The following ABCG5 variants were observed in gnomAD, a reference collection of about 807,000 sequenced individuals.
ABCG5 encodes the protein ATP-binding cassette sub-family G member 5.
A neutral mutation model predicts 64.5 loss-of-function variants in ABCG5; 64 were observed. The ratio of observed to expected loss-of-function variants is 0.99; its 90% CI spans 0.81 to 1.22. The LOEUF (loss-of-function observed/expected upper bound fraction) is 1.22, where lower values mean the gene tolerates loss of function less well. Among genes scored for constraint, ABCG5 ranks in the 50% most tolerant of loss-of-function variants. The pLI is 0.00. For synonymous variants in ABCG5, 385 were observed against 326.3 expected (o/e 1.18, Z -1.94); for missense variants, 908 against 829.5 (o/e 1.09, Z -1.16).
chr2:43,826,659 TG>T, intron 5 of ABCG5, 138 bp from the exon 6 acceptor site: 1 of 1,359,754 alleles, frequency 7.4e-7, no homozygotes, highest in Admixed American at 1.8e-5. Context: ...ACATGTAAAC[TG>T]GCTTTCAGCC....
In ABCG5 at chr2:43,823,998, C is replaced by T. The variant is rs773996683; in HGVS notation, c.1239G>A (p.Lys413=). The change falls in exon 9 of 13, where the codon AAG becomes AAA. Residue 413 remains lysine, a synonymous_variant. Coordinates refer to ENST00000405322, the MANE Select transcript of ABCG5 (RefSeq NM_022436.3). The stretch of plus-strand genomic sequence containing the variant: ...GACCTACGCGGTCCTGGATAGCACC[C>T]TTTAGCACATTGCTTCGGACCCGCA... ...FVLRVRSNVL[K]GAIQDRVGLL... 4 of 1,614,194 alleles carry T rather than the reference C, an allele frequency of 2.5e-6. No individual in the cohort carries two copies. The highest frequency in any genetic ancestry group is 3.4e-6 in the Non-Finnish European group (4 of 1,180,042).
At chr2:43,825,160 G>C (rs1220327913) in intron 6 of ABCG5, 142 bp from the exon 7 acceptor site, 2 of 1,008,192 alleles carry the variant, frequency 2.0e-6, no homozygotes, top group South Asian at 2.8e-5. Flanking sequence ...TTTCCCATAA[G>C]CAGTCAGTCC....
intron 2 of ABCG5, among the ~76,000 whole-genome samples, chr2:43,837,040 A>AAAAAG (rs770852906): frequency 6.6e-6 from 1 of 151,762 alleles, no homozygotes; most frequent in African/African-American, 2.4e-5. Context: ...AAAAAGAAAA[A>AAAAAG]AAAAGAAAAG....
chr2:43,837,034 A>C (rs34381269), intron 2 of ABCG5, among the ~76,000 whole-genome samples: 4,331 of 70,280 alleles, frequency 0.062, 231 homozygotes, highest in African/African-American at 0.18. Context: ...GTCTCAAAAA[A>C]GAAAAAAAAA....
At chr2:43,806,992 A>T in the ABCG5 span, among the ~76,000 whole-genome samples, 1 of 152,338 alleles carries the variant, frequency 6.6e-6, no homozygotes, top group South Asian at 2.1e-4. Context: ...TCCAGATTGC[A>T]CACACAGGAC....
Position 43,838,495 on chromosome 2 carries a change from C to T in ABCG5, c.143+42G>A, listed in dbSNP as rs889161728. ...CAGCAGAGGGGTGAGCGCCGGGCCCCGCACTCCTGGGGGAGCAGCAGCAGC... is the reference window on the plus strand; with the variant it reads ...CAGCAGAGGGGTGAGCGCCGGGCCCTGCACTCCTGGGGGAGCAGCAGCAGC... On this transcript the variant is annotated intron_variant, in intron 1 of 12. Coordinates refer to ENST00000405322, the MANE Select transcript of ABCG5 (RefSeq NM_022436.3). The surrounding 1 kb of genome is among the most constrained non-coding windows in gnomAD (Gnocchi z 4.2). 7 of 1,559,572 alleles carry T rather than the reference C, an allele frequency of 4.5e-6. No homozygotes were observed. The African/African-American group carries it at 5.4e-5, about 12-fold the overall frequency.
downstream of ABCG5, chr2:43,809,784 G>A (rs1028226581): frequency 1.9e-6 from 3 of 1,593,468 alleles, no homozygotes; most frequent in African/African-American, 1.4e-5. Context: ...TTCAATTATT[G>A]TATATTTATT....
intron 10 of ABCG5, among the ~76,000 whole-genome samples, chr2:43,820,846 G>T (rs1393228310): frequency 6.6e-6 from 1 of 152,078 alleles, no homozygotes; most frequent in Non-Finnish European, 1.5e-5. Flanking sequence ...TAGAGATGGG[G>T]TTTTGCCATA....
intron 2 of ABCG5, among the ~76,000 whole-genome samples, chr2:43,833,521 T>G (rs1251825592): frequency 2.0e-5 from 3 of 151,540 alleles, no homozygotes; most frequent in Non-Finnish European, 4.4e-5. Flanking sequence ...TAGCTGGGAC[T>G]GCAGGCGCCG....
intron 2 of ABCG5, among the ~76,000 whole-genome samples, chr2:43,832,981 C>T (rs953482446): frequency 1.6e-4 from 24 of 151,886 alleles, no homozygotes; most frequent in African/African-American, 4.6e-4. Context: ...GGCTAATTTT[C>T]GTATTTTTAG....
At chr2:43,826,270 A>T in intron 6 of ABCG5, 112 bp downstream of exon 6, 1 of 1,524,480 alleles carries the variant, frequency 6.6e-7, no homozygotes, top group Non-Finnish European at 9.0e-7. Context: ...AAAGTGCTGG[A>T]ATTACAAGTG....
rs1667621362 is a variant in ABCG5, at chr2:43,826,597, C to G, written c.635-76G>C. On this transcript the variant is annotated intron_variant, in intron 5 of 12. Transcript: ENST00000405322. ...TGTGCTTAAAACTCAGAGTTCTGAACTGTTCCTTATTGAGTTTGTACCCCA... is the reference window on the plus strand; with the variant it reads ...TGTGCTTAAAACTCAGAGTTCTGAAGTGTTCCTTATTGAGTTTGTACCCCA... 4 of 1,602,388 alleles carry G rather than the reference C, an allele frequency of 2.5e-6. No individual in the cohort carries two copies. The South Asian group carries it at 4.4e-5, about 18-fold the overall frequency.
At chr2:43,817,887 G>A (rs1238606938) in intron 11 of ABCG5, among the ~76,000 whole-genome samples, 1 of 152,130 alleles carries the variant, frequency 6.6e-6, no homozygotes, top group Non-Finnish European at 1.5e-5. Flanking sequence ...TCCAGCCTGG[G>A]TGACAGAGCG....
At chr2:43,826,311 T>G (rs200012400) in intron 6 of ABCG5, 71 bp downstream of exon 6, 11 of 1,608,800 alleles carry the variant, frequency 6.8e-6, no homozygotes, top group Non-Finnish European at 9.3e-6. Context: ...CTGGTACAAA[T>G]CTTGCCCCTG....
At chr2:43,823,761 C>T (rs1572766316) in intron 9 of ABCG5, 152 bp downstream of exon 9, 2 of 803,860 alleles carry the variant, frequency 2.5e-6, no homozygotes, top group East Asian at 2.7e-5. Flanking sequence ...GTTGGTAACT[C>T]AATAGTTGCC....
rs1470448041 is a variant in ABCG5, at chr2:43,822,993, G to A, written c.1325-58C>T. On this transcript the variant is annotated intron_variant, in intron 9 of 12. Transcript: ENST00000405322. ...GTCACCACCCAGCTGAAAAAGGGAG[G>A]GCTAGCCCAAGCTGAATGTGAGGTC... 1.2e-5 allele frequency: 20 copies of A among 1,601,526 alleles called. No individual in the cohort carries two copies. In the Admixed American group the frequency reaches 3.4e-4, roughly 27 times the overall value.
chr2:43,812,651 C>G lies in ABCG5; in HGVS notation c.*465G>C, dbSNP rs1666542645. ...TGGGTCTTCCAGGAACAGAAGCATT[C>G]TTACCCAATTCTGCATGATAACCTT... On this transcript the variant is annotated 3_prime_UTR_variant, in exon 13 of 13. Transcript: ENST00000405322. The G allele has an allele frequency of 1.1e-5, 2 of 187,878 alleles. No homozygotes were observed. The highest frequency in any genetic ancestry group is 2.2e-4 in the South Asian group (2 of 9,176). The allele number at this position is 187,878 out of a possible 1,614,324, so 11.6% of individuals were successfully genotyped here.
rs765708869 is a variant in ABCG5 at position 43,820,097 on chromosome 2, C to G, written c.1467G>C (p.Thr489=). 1.2e-6 allele frequency: 2 copies of G among 1,613,576 alleles called. No homozygotes were observed. Among genetic ancestry groups the G allele is most frequent in the Non-Finnish European group, 1.7e-6 (2 of 1,179,742 alleles). Residue 489 remains threonine (T), a synonymous_variant, in exon 11 of 13, where the codon ACG becomes ACC. Coordinates refer to ENST00000405322, the MANE Select transcript of ABCG5 (RefSeq NM_022436.3). ...GGGCAACCTCAGGATGTAAGCCCAG[C>G]GTCCTAGAAAAGCATAAGCTCTTTA... The part of the protein sequence containing the change: ...TMIFSSVCYW[T]LGLHPEVARF...
chr2:43,824,211 C>T lies in ABCG5; in HGVS notation c.1118+8G>A. 6.2e-7 allele frequency: 1 copy of T among 1,614,092 alleles called. No homozygotes were observed. Among genetic ancestry groups the T allele is most frequent in the African/African-American group, 1.3e-5 (1 of 75,038 alleles). On this transcript the variant is annotated splice_region_variant and intron_variant, in intron 8 of 12. Transcript: ENST00000405322. ...AACAGGCATTTCTCACATTTGTGAG[C>T]CTCTTACCTCAGGAGAACACCCAGT...
Sources: gnomAD v4.1 joint callset for allele counts (sites outside exome capture counted in the v4.1 genomes callset) on GRCh38, gnomAD v4.1.1 for gene constraint, Gnocchi (gnomAD v3.1) non-coding constraint, MANE v1.5 for transcripts, NCBI Gene and HGNC (gene_info 2026-07-23, HGNC 2026-07-21) for gene names.